Variants in SCOC observed in about 807,000 individuals in gnomAD.
The protein encoded by SCOC is short coiled-coil protein.
A neutral mutation model predicts 9.9 loss-of-function variants in SCOC; 7 were observed. That is an observed-to-expected ratio of 0.71 (90% confidence interval 0.40 to 1.33). SCOC has a LOEUF of 1.33. Ranked by LOEUF, SCOC falls within the 40% of genes most tolerant of loss-of-function variation. SCOC has a pLI of 0.01. For missense variants in SCOC, 66 were observed against 89.7 expected, an observed-to-expected ratio of 0.74 and a Z score of 1.07; for synonymous variants, 19 against 28.2, an observed-to-expected ratio of 0.67 and a Z score of 1.03.
intron 1 of SCOC, among the ~76,000 whole-genome samples, chr4:140,277,139 T>C (rs1731002419): frequency 6.6e-6 from 1 of 152,160 alleles, no homozygotes; most frequent in South Asian, 2.1e-4. Flanking sequence ...GAAATGCAAC[T>C]AGATTTCACT....
At chr4:140,340,000 A>T (rs534743199), upstream of SCOC, among the ~76,000 whole-genome samples, 80 of 152,368 alleles carry the variant, frequency 5.3e-4, 3 homozygotes, top group South Asian at 0.016. Context: ...ACACATGCAC[A>T]CATATGTTTA....
chr4:140,276,331 G>T (rs930477815), intron 1 of SCOC, among the ~76,000 whole-genome samples: 3 of 151,902 alleles, frequency 2.0e-5, no homozygotes, highest in Non-Finnish European at 2.9e-5. Context: ...TAGAGACAGG[G>T]TTTCACCATG....
intron 2 of SCOC, among the ~76,000 whole-genome samples, chr4:140,356,955 A>T (rs1323864105): frequency 6.6e-6 from 1 of 152,132 alleles, no homozygotes; most frequent in African/African-American, 2.4e-5. Flanking sequence ...AGTACCTTAA[A>T]ATCTTTTATT....
intron 1 of SCOC, among the ~76,000 whole-genome samples, chr4:140,295,634 A>T (rs1731602491): frequency 6.6e-6 from 1 of 152,118 alleles, no homozygotes. Context: ...GCGTCACAAG[A>T]CCACCTGCAT....
chr4:140,366,383 CT>C, intron 2 of SCOC: 1 of 1,296,252 alleles, frequency 7.7e-7, no homozygotes, highest in East Asian at 2.3e-5. Context: ...CAGCGGTCAT[CT>C]TTTTGCTAGA....
chr4:140,364,163 G>A (rs750153079), intron 2 of SCOC, among the ~76,000 whole-genome samples: 4 of 152,040 alleles, frequency 2.6e-5, no homozygotes, highest in Non-Finnish European at 5.9e-5. Context: ...TTTTTCTGTG[G>A]GAATGCAGGA....
intron 1 of SCOC, among the ~76,000 whole-genome samples, chr4:140,300,298 C>T (rs897082182): frequency 2.0e-5 from 3 of 152,212 alleles, no homozygotes; most frequent in Non-Finnish European, 2.9e-5. Flanking sequence ...CACTTCCTCG[C>T]TCCCCTTCCT....
chr4:140,352,516 T>A (rs2126531594), intron 2 of SCOC, among the ~76,000 whole-genome samples: 1 of 152,294 alleles, frequency 6.6e-6, no homozygotes, highest in South Asian at 2.1e-4. Flanking sequence ...CTGGGAGTGG[T>A]ATGGCTCTAG....
intron 1 of SCOC, among the ~76,000 whole-genome samples, chr4:140,266,459 G>A (rs1391223648): frequency 1.3e-5 from 2 of 152,058 alleles, no homozygotes; most frequent in Admixed American, 6.5e-5. Context: ...AGGAGTCTTC[G>A]TTTTATAAGG....
intron 2 of SCOC, 111 bp from the exon 3 acceptor site, chr4:140,379,458 T>G: frequency 1.2e-6 from 1 of 812,072 alleles, no homozygotes; most frequent in Non-Finnish European, 2.0e-6. Context: ...ACAGGGCTCT[T>G]GTATAAGTCA....
intron 1 of SCOC, among the ~76,000 whole-genome samples, chr4:140,336,778 T>C (rs1309147213): frequency 6.6e-6 from 1 of 152,242 alleles, no homozygotes; most frequent in Non-Finnish European, 1.5e-5. Flanking sequence ...GATAACTCTA[T>C]GTTTAACTTT....
chr4:140,279,540 T>C (rs1731055083), intron 1 of SCOC, among the ~76,000 whole-genome samples: 1 of 152,134 alleles, frequency 6.6e-6, no homozygotes, highest in South Asian at 2.1e-4. Flanking sequence ...AGTACTAGAT[T>C]GGAACATAAG....
Position 140,315,253 on chromosome 4 carries a change from A to G in SCOC, c.-18-28368A>G, listed in dbSNP as rs554622470. Among the ~76,000 whole-genome samples, 73 of 152,358 alleles carry G rather than the reference A, an allele frequency of 4.8e-4. No individual in the cohort carries two copies. The Middle Eastern group carries it at 0.017, about 35-fold the overall frequency. On this transcript the variant is annotated intron_variant, in intron 1 of 4. Coordinates refer to the SCOC transcript ENST00000394205. ...TCTGAGTAACAGTACAAAGTAGTAG[A>G]CAGTAGCTTAGGTATTTTCAAAGGA... is the stretch of plus-strand genomic sequence containing the variant.
rs367795160 is a variant in SCOC at position 140,362,299 on chromosome 4, C to CTTCTTCTTCTTCTTCTTCTTCTT, written c.71-16820_71-16819insCTTCTTCTTCTTCTTCTTCTTTT. Among the ~76,000 whole-genome samples the CTTCTTCTTCTTCTTCTTCTTCTT allele has an allele frequency of 4.2e-4, 16 of 38,376 alleles. 3 individuals are homozygous for CTTCTTCTTCTTCTTCTTCTTCTT. Among genetic ancestry groups the CTTCTTCTTCTTCTTCTTCTTCTT allele is most frequent in the African/African-American group, 1.2e-3 (16 of 13,386 alleles). The allele number at this position is 38,376 out of a possible 152,430, so 25.2% of individuals were successfully genotyped here. On this transcript the variant is annotated intron_variant, in intron 2 of 4. Coordinates refer to the SCOC transcript ENST00000338517. Reference sequence around the variant, plus strand: ...CTTACTTCTTCTTCTTCTTCTTCTTCTTTTTTTTTTTTTTTTGTGAGAGTC... The same window carrying CTTCTTCTTCTTCTTCTTCTTCTT: ...CTTACTTCTTCTTCTTCTTCTTCTTCTTCTTCTTCTTCTTCTTCTTCTTTTTTTTTTTTTTTTTTGTGAGAGTC...
At chr4:140,267,303 G>T (rs754880038) in intron 1 of SCOC, among the ~76,000 whole-genome samples, 4 of 152,300 alleles carry the variant, frequency 2.6e-5, no homozygotes, top group East Asian at 1.9e-4. Flanking sequence ...ATCCCACAAG[G>T]TTGCATCAGT....
intron 1 of SCOC, among the ~76,000 whole-genome samples, chr4:140,325,148 A>C (rs1732609851): frequency 6.6e-6 from 1 of 152,196 alleles, no homozygotes. Context: ...CCTGTACCTT[A>C]AACAAAAATT....
chr4:140,364,092 G>A (rs995648609), intron 2 of SCOC, among the ~76,000 whole-genome samples: 1 of 151,910 alleles, frequency 6.6e-6, no homozygotes, highest in African/African-American at 2.4e-5. Context: ...AGCTACACCA[G>A]CAAGCATGAA....
chr4:140,300,235 T>C (rs1731773406), intron 1 of SCOC, among the ~76,000 whole-genome samples: 1 of 152,180 alleles, frequency 6.6e-6, no homozygotes. Flanking sequence ...ACCAGAATTG[T>C]TTCATATCAT....
chr4:140,260,978 G>A (rs1730619969), intron 1 of SCOC, among the ~76,000 whole-genome samples: 1 of 152,022 alleles, frequency 6.6e-6, no homozygotes, highest in South Asian at 2.1e-4. Flanking sequence ...TGTATATTAA[G>A]AGCTCTCTAT....
Sources: allele counts gnomAD v4.1 joint callset (sites outside exome capture counted in the v4.1 genomes callset), GRCh38; gene constraint gnomAD v4.1.1; transcripts MANE v1.5; gene names NCBI Gene and HGNC (gene_info 2026-07-23, HGNC 2026-07-21).